Variants in KLHL7 observed in about 807,000 individuals in gnomAD.
KLHL7 encodes kelch-like protein 7.
Under a neutral mutation model 67.4 loss-of-function variants are expected in KLHL7, and 44 were observed. The ratio of observed to expected loss-of-function variants is 0.65; its 90% CI spans 0.51 to 0.84. The LOEUF (loss-of-function observed/expected upper bound fraction) is 0.84. Ranked by LOEUF, KLHL7 falls within the 40% of genes least tolerant of loss-of-function variation. The pLI, the probability that KLHL7 is intolerant of heterozygous loss-of-function variation, is 0.00. For missense variants in KLHL7, 362 were observed against 718.1 expected (o/e 0.50, Z 5.67); for synonymous variants, 252 against 243.3 (o/e 1.04, Z -0.33).
rs1304496902 is a variant in KLHL7 at position 23,113,440 on chromosome 7, G to A, written c.120+7294G>A. The stretch of plus-strand genomic sequence containing the variant: ...CTTGGTGGAATCACTTTTCTTTTGG[G>A]CCTCAAAATCTCTAAACTAACAGAA... On this transcript the variant is annotated intron_variant, in intron 1 of 10. Transcript: ENST00000339077. Among the ~76,000 whole-genome samples, 10 of 152,238 alleles carry A rather than the reference G, an allele frequency of 6.6e-5. No individual in the cohort carries two copies. In the East Asian group the frequency reaches 1.9e-3, roughly 29 times the overall value.
chr7:23,145,027 G>A (rs1312620177), intron 6 of KLHL7, among the ~76,000 whole-genome samples: 3 of 152,126 alleles, frequency 2.0e-5, no homozygotes, highest in Admixed American at 6.5e-5. Context: ...GAGCCCAGGA[G>A]TTTGAGGTTA....
Position 23,106,278 on chromosome 7 carries a change from TCGCAGGCGAGCGATTC to T in KLHL7, c.120+138_120+153del, listed in dbSNP as rs930418599. 396 of 1,525,394 alleles carry T rather than the reference TCGCAGGCGAGCGATTC, an allele frequency of 2.6e-4. 1 individual carries two copies. Among genetic ancestry groups the T allele is most frequent in the Non-Finnish European group, 1.9e-4 (216 of 1,133,580 alleles). The allele number at this position is 1,525,394 out of a possible 1,614,324, so 94.5% of individuals were successfully genotyped here. On this transcript the variant is annotated intron_variant, in intron 1 of 10. Transcript: ENST00000339077. ...TCTGTCCTCGCCCCTCCTTCCGTTT[TCGCAGGCGAGCGATTC>T]CGCAGTTGGTAGAGGGGCGCGTAAA...
At chr7:23,122,823 A>G (rs1431576406) in intron 1 of KLHL7, among the ~76,000 whole-genome samples, 1 of 152,194 alleles carries the variant, frequency 6.6e-6, no homozygotes, top group Non-Finnish European at 1.5e-5. Context: ...TGAGCCATGA[A>G]GCCAATCTTA....
chr7:23,150,530 T>G (rs1243359824), intron 6 of KLHL7, among the ~76,000 whole-genome samples: 2 of 152,208 alleles, frequency 1.3e-5, no homozygotes, highest in Non-Finnish European at 2.9e-5. Flanking sequence ...CATACTAATC[T>G]TTCTCATCTT....
chr7:23,140,578 CAA>C (rs5882887), intron 4 of KLHL7, 189 bp from the exon 5 acceptor site: 6 of 607,304 alleles, frequency 9.9e-6, no homozygotes, highest in Admixed American at 5.3e-5. Context: ...AAACAAAAAA[CAA>C]AAAAAAAACC....
rs191361035 is a variant in KLHL7, at chr7:23,155,474, G to A, written c.936+3265G>A. On this transcript the variant is annotated intron_variant, in intron 7 of 10. Coordinates refer to ENST00000339077, the MANE Select transcript of KLHL7 (RefSeq NM_001031710.3). ...GGTCAGGAGTTTGAGACCAGCCTGG[G>A]CAACATGGTGAAACCCCATCTCTAC... Among the ~76,000 whole-genome samples the A allele has an allele frequency of 9.1e-4, 139 of 152,108 alleles. 2 individuals carry two copies. In the East Asian group the frequency reaches 0.025, roughly 28 times the overall value.
In KLHL7 at chr7:23,106,001, C is replaced by A; in HGVS notation, c.-26C>A. Reference sequence around the variant, plus strand: ...GACCCCTCGCCCGGCCCGGCGAGCCCCGGGCGTGAACCGAGCTGAGGGAGG... The same window carrying A: ...GACCCCTCGCCCGGCCCGGCGAGCCACGGGCGTGAACCGAGCTGAGGGAGG... On this transcript the variant is annotated 5_prime_UTR_variant, in exon 1 of 11. Transcript: ENST00000339077. 6.2e-7 allele frequency: 1 copy of A among 1,606,152 alleles called. No homozygotes were observed. The highest frequency in any genetic ancestry group is 2.2e-5 in the East Asian group (1 of 44,634).
Position 23,154,101 on chromosome 7 carries a change from C to A in KLHL7, c.936+1892C>A, listed in dbSNP as rs1281930128. On this transcript the variant is annotated intron_variant, in intron 7 of 10. Coordinates refer to ENST00000339077, the MANE Select transcript of KLHL7 (RefSeq NM_001031710.3). ...AGGTGCAGTGGCTCATGCCTGTAAT[C>A]CCTGCACTTTGGGAGTCCAAGGTGG... Among the ~76,000 whole-genome samples, 3 of 152,192 alleles carry A rather than the reference C, an allele frequency of 2.0e-5. No individual in the cohort carries two copies. The East Asian group carries it at 5.8e-4, about 29-fold the overall frequency.
At chr7:23,146,025 C>T (rs955159309) in intron 6 of KLHL7, among the ~76,000 whole-genome samples, 1 of 152,208 alleles carries the variant, frequency 6.6e-6, no homozygotes, top group Admixed American at 6.5e-5. Context: ...AACCACAGTG[C>T]CTGGCCTTAA....
At chr7:23,168,947 G>A (rs1349259653) in intron 9 of KLHL7, among the ~76,000 whole-genome samples, 1 of 152,028 alleles carries the variant, frequency 6.6e-6, no homozygotes, top group African/African-American at 2.4e-5. Context: ...TTCAACTCCA[G>A]CTACTGCTTT....
At chr7:23,121,718 T>C (rs1279055350) in intron 1 of KLHL7, among the ~76,000 whole-genome samples, 3 of 149,582 alleles carry the variant, frequency 2.0e-5, no homozygotes, top group South Asian at 4.3e-4. Context: ...AGTCTCGCTC[T>C]GTTGCCCAGG....
intron 6 of KLHL7, among the ~76,000 whole-genome samples, chr7:23,147,058 A>G (rs1784380445): frequency 1.4e-5 from 2 of 140,912 alleles, no homozygotes; most frequent in Non-Finnish European, 3.1e-5. Context: ...TGTAAATTGT[A>G]TCTTTTTCCT....
At chr7:23,139,343 A>C (rs1276077964) in intron 4 of KLHL7, among the ~76,000 whole-genome samples, 1 of 152,258 alleles carries the variant, frequency 6.6e-6, no homozygotes, top group Non-Finnish European at 1.5e-5. Context: ...ATAATTTACT[A>C]TGCTAACAAG....
At chr7:23,135,467 T>G (rs1313717008) in intron 4 of KLHL7, among the ~76,000 whole-genome samples, 4 of 152,218 alleles carry the variant, frequency 2.6e-5, no homozygotes, top group Non-Finnish European at 5.9e-5. Context: ...TAGTGCAGAT[T>G]AAGTCTGATG....
intron 4 of KLHL7, chr7:23,129,597 G>A (rs184019914): frequency 3.6e-5 from 7 of 195,864 alleles, no homozygotes; most frequent in Admixed American, 1.9e-4. Context: ...GAATTCAACC[G>A]TCCCCAAACT....
At chr7:23,138,545 C>A (rs992229819) in intron 4 of KLHL7, among the ~76,000 whole-genome samples, 1 of 141,946 alleles carries the variant, frequency 7.0e-6, no homozygotes. Context: ...AGATGTATTT[C>A]TTTTTTCTTT....
At chr7:23,155,536 C>T (rs1016448811) in intron 7 of KLHL7, among the ~76,000 whole-genome samples, 5 of 151,668 alleles carry the variant, frequency 3.3e-5, no homozygotes, top group African/African-American at 4.8e-5. Flanking sequence ...TCGTGGCAGG[C>T]GCCTGTAATC....
intron 1 of KLHL7, among the ~76,000 whole-genome samples, chr7:23,112,377 C>G (rs1182936355): frequency 3.9e-5 from 6 of 152,088 alleles, no homozygotes; most frequent in Non-Finnish European, 7.4e-5. Context: ...ATTGACAGGT[C>G]TGGAAAGTTG....
At chr7:23,135,634 T>A (rs1277462349) in intron 4 of KLHL7, among the ~76,000 whole-genome samples, 1 of 152,204 alleles carries the variant, frequency 6.6e-6, no homozygotes, top group Non-Finnish European at 1.5e-5. Context: ...CATACATTAG[T>A]CTTTATTAGA....
Sources: allele counts gnomAD v4.1 joint callset (sites outside exome capture counted in the v4.1 genomes callset), GRCh38; gene constraint gnomAD v4.1.1; transcripts MANE v1.5; gene names NCBI Gene and HGNC (gene_info 2026-07-23, HGNC 2026-07-21).